Variants in HMGCLL1 observed in about 807,000 individuals in gnomAD.
HMGCLL1 encodes the protein 3-hydroxymethyl-3-methylglutaryl-CoA lyase, cytoplasmic.
HMGCLL1 carries 36 observed loss-of-function variants against 39.1 expected under a neutral mutation model. That is an observed-to-expected ratio of 0.92 (90% CI 0.71 to 1.22). The LOEUF (loss-of-function observed/expected upper bound fraction) is 1.22. Ranked by LOEUF, HMGCLL1 falls within the 50% of genes most tolerant of loss-of-function variation. The pLI is 0.00. For synonymous variants in HMGCLL1, 149 were observed against 144.0 expected (o/e 1.03, Z -0.25); for missense variants, 451 against 416.5 (o/e 1.08, Z -0.72).
At chr6:55,667,154 G>T in the HMGCLL1 span, among the ~76,000 whole-genome samples, 3 of 151,730 alleles carry the variant, frequency 2.0e-5, no homozygotes, top group South Asian at 6.2e-4. Context: ...ACAATATTTA[G>T]CATTGAGAAG....
intron 7 of HMGCLL1, 45 bp from the exon 8 acceptor site, chr6:55,439,604 T>C (rs1203237366): frequency 4.4e-6 from 7 of 1,583,944 alleles, no homozygotes; most frequent in East Asian, 2.3e-5. Context: ...GTTTATGGCA[T>C]GTAAATTGTT....
chr6:55,494,164 C>G (rs888155585), intron 7 of HMGCLL1, among the ~76,000 whole-genome samples: 1 of 152,118 alleles, frequency 6.6e-6, no homozygotes, highest in African/African-American at 2.4e-5. Context: ...CAGACATAGT[C>G]CAGAAGCAGA....
At chr6:55,540,451 T>C (rs1190372291) in intron 3 of HMGCLL1, among the ~76,000 whole-genome samples, 2 of 151,982 alleles carry the variant, frequency 1.3e-5, no homozygotes, top group African/African-American at 4.8e-5. Flanking sequence ...GAGACATGAG[T>C]GTGCTCCCTG....
intron 8 of HMGCLL1, among the ~76,000 whole-genome samples, chr6:55,437,259 G>A (rs981365828): frequency 6.6e-6 from 1 of 151,890 alleles, no homozygotes; most frequent in South Asian, 2.1e-4. Context: ...ATAGATTCTG[G>A]AGTTTCAAGA....
chr6:55,611,350 A>C, the HMGCLL1 span, among the ~76,000 whole-genome samples: 2 of 152,312 alleles, frequency 1.3e-5, no homozygotes, highest in South Asian at 2.1e-4. Context: ...AACTAAAAGG[A>C]CCAGACTGAA....
At chr6:55,677,226 G>A in the HMGCLL1 span, among the ~76,000 whole-genome samples, 3 of 152,092 alleles carry the variant, frequency 2.0e-5, no homozygotes, top group Admixed American at 6.6e-5. Context: ...GTGAGACTCC[G>A]ACTCTACAAA....
At chr6:55,539,986 A>G (rs190452143) in intron 3 of HMGCLL1, among the ~76,000 whole-genome samples, 29 of 9,930 alleles carry the variant, frequency 2.9e-3, no homozygotes, top group African/African-American at 5.4e-3. Context: ...GGAAGGAAGG[A>G]AGGAAGGAAG....
At position 55,578,962 on chromosome 6, in the gene HMGCLL1, G is replaced by A; in HGVS notation, c.94C>T (p.Leu32Phe). Residue 32 changes from leucine to phenylalanine, a missense_variant, in exon 1 of 9, where the codon CTC becomes TTC. Physicochemically the swap from Leu to Phe is conservative, Grantham distance 22. Transcript: ENST00000274901. Reference sequence around the variant, plus strand: ...CGAGGTGGTACCTGCGCGGGGTCGAGCGCCCCTGCCACTGAATCCCCGATC... The same window carrying A: ...CGAGGTGGTACCTGCGCGGGGTCGAACGCCCCTGCCACTGAATCCCCGATC... ...LWIGDSVAGA[L>F]DPAQETSQLS... The A allele has an allele frequency of 6.2e-7, 1 of 1,611,526 alleles. No homozygotes were observed. Among genetic ancestry groups the A allele is most frequent in the Non-Finnish European group, 8.5e-7 (1 of 1,179,044 alleles).
the HMGCLL1 span, among the ~76,000 whole-genome samples, chr6:55,675,681 T>G: frequency 2.6e-5 from 4 of 152,170 alleles, no homozygotes; most frequent in African/African-American, 4.8e-5. Context: ...CTCTCTTCTG[T>G]CATGCGCTAC....
At chr6:55,628,227 G>A in the HMGCLL1 span, among the ~76,000 whole-genome samples, 1 of 99,828 alleles carries the variant, frequency 1.0e-5, no homozygotes, top group Non-Finnish European at 1.9e-5. Context: ...GTCCCTATAA[G>A]AGAACCCTGA....
the HMGCLL1 span, among the ~76,000 whole-genome samples, chr6:55,640,002 C>T: frequency 1.6e-4 from 24 of 152,088 alleles, no homozygotes; most frequent in African/African-American, 4.8e-4. Context: ...AGCTTGAACT[C>T]GGGAGGCGGA....
Position 55,541,820 on chromosome 6 carries a change from T to A in HMGCLL1, c.206A>T (p.Asp69Val), listed in dbSNP as rs1581921692. ...TCGATTGATAAATTCAATTTTTATA[T>A]CTGTAGGAACTATAACCTATGAAAA... ...LQNEKVIVPT[D>V]IKIEFINRLS... Residue 69 changes from aspartate to valine, a missense_variant, in exon 3 of 9, where the codon GAT (aspartate) becomes GTT (valine). Physicochemically the swap from Asp to Val is radical, Grantham distance 152. Transcript: ENST00000274901. 6.3e-7 allele frequency: 1 copy of A among 1,595,608 alleles called. No individual in the cohort carries two copies. Among genetic ancestry groups the A allele is most frequent in the Non-Finnish European group, 8.6e-7 (1 of 1,165,458 alleles).
At chr6:55,585,640 CATA>C in the HMGCLL1 span, among the ~76,000 whole-genome samples, 2 of 152,034 alleles carry the variant, frequency 1.3e-5, no homozygotes, top group Non-Finnish European at 2.9e-5. Context: ...TTTCTTTGCA[CATA>C]ATAACTGCTC....
chr6:55,571,392 C>A (rs1771484459), intron 1 of HMGCLL1, among the ~76,000 whole-genome samples: 1 of 152,000 alleles, frequency 6.6e-6, no homozygotes, highest in Admixed American at 6.6e-5. Context: ...TTGCTCTAAA[C>A]AATAGTACTG....
chr6:55,435,730 C>A lies in HMGCLL1; in HGVS notation c.955G>T (p.Asp319Tyr). 1 of 1,603,874 alleles carries A rather than the reference C, an allele frequency of 6.2e-7. No individual in the cohort carries two copies. The highest frequency in any genetic ancestry group is 1.1e-5 in the South Asian group (1 of 90,252). ...TTATTCACAGCTTTGCAAATAAAGT[C>A]ACCAGCTTCCATCACTTTGTATAGA... ...VNLYKVMEAG[D>Y]FICKAVNKTT... Residue 319 changes from aspartate (D) to tyrosine (Y), a missense_variant, in exon 9 of 9, where the codon GAC becomes TAC. Physicochemically the swap from Asp to Tyr is radical, Grantham distance 160. Coordinates refer to ENST00000274901, the MANE Select transcript of HMGCLL1 (RefSeq NM_001042406.2).
At chr6:55,659,238 CA>C in the HMGCLL1 span, among the ~76,000 whole-genome samples, 1 of 151,592 alleles carries the variant, frequency 6.6e-6, no homozygotes, top group Non-Finnish European at 1.5e-5. Flanking sequence ...AGAACACAAG[CA>C]AAAAACCCCA....
At chr6:55,456,676 A>G (rs1226523534) in intron 7 of HMGCLL1, among the ~76,000 whole-genome samples, 1 of 152,162 alleles carries the variant, frequency 6.6e-6, no homozygotes, top group Non-Finnish European at 1.5e-5. Flanking sequence ...AGTAGAGCCC[A>G]TATTTTCTTT....
the HMGCLL1 span, among the ~76,000 whole-genome samples, chr6:55,614,172 G>A: frequency 6.6e-6 from 1 of 152,102 alleles, no homozygotes; most frequent in Non-Finnish European, 1.5e-5. Context: ...ACCATAGGAT[G>A]TGGACTGAAT....
the HMGCLL1 span, among the ~76,000 whole-genome samples, chr6:55,615,976 A>C: frequency 6.6e-6 from 1 of 152,156 alleles, no homozygotes; most frequent in African/African-American, 2.4e-5. Context: ...CCACACTTAC[A>C]TTCCCTTAAA....
Sources: gnomAD v4.1 joint callset for allele counts (sites outside exome capture counted in the v4.1 genomes callset) on GRCh38, gnomAD v4.1.1 for gene constraint, MANE v1.5 for transcripts, NCBI Gene and HGNC (gene_info 2026-07-23, HGNC 2026-07-21) for gene names.